The following COA8 variants were observed in gnomAD, a reference collection of about 807,000 sequenced individuals.
COA8 encodes UPF0671 protein C14orf153.
A neutral mutation model predicts 22.0 loss-of-function variants in COA8; 20 were observed. That is an observed-to-expected ratio of 0.91 (90% CI 0.64 to 1.32). The LOEUF is 1.32. COA8 is among the 40% of genes most tolerant of loss of function. The pLI, the probability that COA8 is intolerant of heterozygous loss-of-function variation, is 0.00. For synonymous variants in COA8, 105 were observed against 79.9 expected (o/e 1.31, Z -1.68); for missense variants, 266 against 230.0 (o/e 1.16, Z -1.01).
At chr14:103,587,703 T>A (rs1232416192) in intron 4 of COA8, among the ~76,000 whole-genome samples, 12 of 149,792 alleles carry the variant, frequency 8.0e-5, no homozygotes, top group Non-Finnish European at 1.5e-5. Context: ...GAGACAGGGT[T>A]TCACCGTGTT....
At chr14:103,570,014 G>A (rs758762192) in intron 1 of COA8, among the ~76,000 whole-genome samples, 3 of 152,020 alleles carry the variant, frequency 2.0e-5, no homozygotes, top group Non-Finnish European at 2.9e-5. Flanking sequence ...CGGCCACCAC[G>A]CATGGCTAAT....
intron 3 of COA8, chr14:103,579,363 C>T (rs561567209): frequency 8.7e-6 from 2 of 231,142 alleles, no homozygotes; most frequent in South Asian, 8.2e-5. Flanking sequence ...ACAATTTTTT[C>T]TTTTTAGATG....
chr14:103,563,336 G>A lies in COA8; in HGVS notation c.123+212G>A, dbSNP rs763181015. 18 of 726,726 alleles carry A rather than the reference G, an allele frequency of 2.5e-5. No homozygotes were observed. In the South Asian group the frequency reaches 2.7e-4, roughly 11 times the overall value. 45.0% of individuals were successfully genotyped at this position (726,726 alleles called of 1,614,324 possible). Reference sequence around the variant, plus strand: ...GAGGGTGCCGCCGCCACCACGCCGGGGACTGTTGACAGCCAGAACCTTTAA... The same window carrying A: ...GAGGGTGCCGCCGCCACCACGCCGGAGACTGTTGACAGCCAGAACCTTTAA... On this transcript the variant is annotated intron_variant, in intron 1 of 4. Transcript: ENST00000409074.
intron 3 of COA8, among the ~76,000 whole-genome samples, chr14:103,585,608 G>C (rs148756427): frequency 1.6e-4 from 19 of 122,262 alleles, no homozygotes; most frequent in African/African-American, 5.8e-4. Context: ...ACAGAGTCTC[G>C]CTCTGTCGCC....
At chr14:103,572,020 G>A (rs904173440) in intron 2 of COA8, among the ~76,000 whole-genome samples, 200 bp downstream of exon 2, 2 of 151,968 alleles carry the variant, frequency 1.3e-5, no homozygotes, top group Non-Finnish European at 2.9e-5. Context: ...CCAGCTACTC[G>A]GGAGGCTGAG....
intron 3 of COA8, among the ~76,000 whole-genome samples, chr14:103,582,714 A>G (rs1595147467): frequency 6.7e-6 from 1 of 148,690 alleles, no homozygotes; most frequent in Non-Finnish European, 1.5e-5. Context: ...GATACGATTC[A>G]CATACCATAA....
chr14:103,564,297 A>G (rs1028375349), intron 1 of COA8, among the ~76,000 whole-genome samples: 2 of 152,222 alleles, frequency 1.3e-5, no homozygotes, highest in Non-Finnish European at 2.9e-5. Flanking sequence ...TACCAGGGCA[A>G]CTTGCCAACC....
At chr14:103,563,565 AGTT>A (rs1220664382) in intron 1 of COA8, among the ~76,000 whole-genome samples, 1 of 152,150 alleles carries the variant, frequency 6.6e-6, no homozygotes, top group African/African-American at 2.4e-5. Flanking sequence ...CACGTTGAAT[AGTT>A]GTTATTTGCA....
At chr14:103,584,513 G>T (rs958679012) in intron 3 of COA8, among the ~76,000 whole-genome samples, 6 of 152,020 alleles carry the variant, frequency 3.9e-5, no homozygotes, top group African/African-American at 1.4e-4. Flanking sequence ...CAGGAACAGG[G>T]GACAAAGACC....
In COA8 at chr14:103,571,643, A is replaced by T. The variant is rs1232414401; in HGVS notation, c.144A>T (p.Pro48=). 6.2e-7 allele frequency: 1 copy of T among 1,614,186 alleles called. No individual in the cohort carries two copies. The highest frequency in any genetic ancestry group is 1.1e-5 in the South Asian group (1 of 91,078). The stretch of plus-strand genomic sequence containing the variant: ...TAAAGGTCTCAAGATTCTGCCCTCC[A>T]AGAAAGTCTTGCCATGATTGGATAG... ...APSGVSRFCP[P]RKSCHDWIGP... Residue 48 remains proline, a synonymous_variant, in exon 2 of 5, where the codon CCA becomes CCT. Coordinates refer to ENST00000409074, the MANE Select transcript of COA8 (RefSeq NM_001370595.2).
intron 1 of COA8, 164 bp downstream of exon 1, chr14:103,563,288 A>T: frequency 2.1e-6 from 2 of 954,050 alleles, no homozygotes; most frequent in Admixed American, 2.0e-5. Flanking sequence ...CTCCCGCATC[A>T]ACGCCCTCAG....
intron 4 of COA8, among the ~76,000 whole-genome samples, chr14:103,589,811 G>A (rs1383543783): frequency 1.3e-5 from 2 of 151,962 alleles, no homozygotes; most frequent in Admixed American, 1.3e-4. Context: ...CTACTCGGGA[G>A]GCTGAGGCAG....
At chr14:103,580,768 C>T (rs562437176) in intron 3 of COA8, among the ~76,000 whole-genome samples, 55 of 150,938 alleles carry the variant, frequency 3.6e-4, no homozygotes, top group African/African-American at 1.3e-3. Context: ...GCTGGGATTA[C>T]AGGCGTGAGC....
intron 1 of COA8, among the ~76,000 whole-genome samples, chr14:103,563,578 A>C (rs911618214): frequency 1.7e-4 from 26 of 152,142 alleles, no homozygotes; most frequent in African/African-American, 5.8e-4. Flanking sequence ...TGTTATTTGC[A>C]AACTATGTGT....
At chr14:103,589,431 C>A (rs2076334085) in intron 4 of COA8, among the ~76,000 whole-genome samples, 1 of 152,142 alleles carries the variant, frequency 6.6e-6, no homozygotes, top group Non-Finnish European at 1.5e-5. Flanking sequence ...CCCTAAAATG[C>A]TGCCAGCTCG....
chr14:103,563,196 C>CA (rs1266231093), intron 1 of COA8, 72 bp downstream of exon 1: 1 of 1,520,174 alleles, frequency 6.6e-7, no homozygotes, highest in Non-Finnish European at 8.8e-7. Context: ...GCCTCGGGGC[C>CA]ACTCCCTGTT....
intron 4 of COA8, 144 bp downstream of exon 4, chr14:103,587,508 CTTTTTTTT>C (rs368240107): frequency 1.3e-5 from 4 of 308,802 alleles, no homozygotes; most frequent in Non-Finnish European, 2.3e-5. Context: ...TTCTTTTTTT[CTTTTTTTT>C]TTTTTTTTTG....
chr14:103,574,563 A>T (rs1272321356), intron 3 of COA8: 1 of 391,940 alleles, frequency 2.6e-6, no homozygotes, highest in Non-Finnish European at 5.0e-6. Flanking sequence ...ATAACATCTC[A>T]TGCTGTTCGT....
At chr14:103,566,228 C>T (rs1487241730) in intron 1 of COA8, among the ~76,000 whole-genome samples, 2 of 151,984 alleles carry the variant, frequency 1.3e-5, no homozygotes, top group African/African-American at 4.8e-5. Flanking sequence ...TCAAGACCAG[C>T]CCGGCCAACA....
Sources: allele counts gnomAD v4.1 joint callset (sites outside exome capture counted in the v4.1 genomes callset), GRCh38; gene constraint gnomAD v4.1.1; transcripts MANE v1.5; gene names NCBI Gene and HGNC (gene_info 2026-07-23, HGNC 2026-07-21).